The following NHSL2 variants were observed in gnomAD, a reference collection of about 807,000 sequenced individuals.
NHSL2 encodes the protein NHS-like protein 2.
In NHSL2, 27 loss-of-function variants were observed where a neutral mutation model predicts 53.4. The ratio of observed to expected loss-of-function variants is 0.51; its 90% CI spans 0.37 to 0.70. The LOEUF is 0.70. Among genes scored for constraint, NHSL2 ranks in the 30% least tolerant of loss-of-function variants. The pLI is 0.00. For missense variants in NHSL2, 892 were observed against 980.1 expected (o/e 0.91, Z 1.20); for synonymous variants, 408 against 404.1 (o/e 1.01, Z -0.12).
chrX:72,131,950 A>T, intron 1 of NHSL2, 129 bp from the exon 2 acceptor site: 1 of 610,315 alleles, frequency 1.6e-6, no homozygotes, highest in Non-Finnish European at 2.5e-6. Context: ...CCCGCCTTTT[A>T]AGCGCAGCCT....
chrX:71,945,805 TTGAGCGCTTACTG>T (rs1425508632), intron 1 of NHSL2, among the ~76,000 whole-genome samples: 1 of 111,888 alleles, frequency 8.9e-6, no homozygotes, highest in Non-Finnish European at 1.9e-5. Flanking sequence ...CTGCCATTTA[TTGAGCGCTTACTG>T]TGTGCTGTGT....
chrX:71,913,463 C>A (rs770880827), intron 1 of NHSL2, among the ~76,000 whole-genome samples: 1 of 111,951 alleles, frequency 8.9e-6, no homozygotes, highest in African/African-American at 3.2e-5. Flanking sequence ...AGATTTTGAC[C>A]GTAAGTAAGT....
At chrX:72,129,219 A>G (rs924627690) in intron 1 of NHSL2, 1 of 113,619 alleles carries the variant, frequency 8.8e-6, no homozygotes, top group Non-Finnish European at 1.9e-5. Flanking sequence ...GTGGCTTTGC[A>G]CACTCTCACT....
intron 1 of NHSL2, among the ~76,000 whole-genome samples, chrX:72,098,686 A>G (rs1362283705): frequency 9.0e-6 from 1 of 111,668 alleles, no homozygotes; most frequent in African/African-American, 3.2e-5. Flanking sequence ...GATTTTTAAA[A>G]TTTTATTTTA....
intron 1 of NHSL2, among the ~76,000 whole-genome samples, chrX:71,929,978 C>G (rs948650405): frequency 4.5e-5 from 5 of 111,256 alleles, no homozygotes; most frequent in Non-Finnish European, 7.6e-5. Flanking sequence ...TGGTCTCAAA[C>G]TCCTGGGCTC....
chrX:71,987,257 C>T (rs777148572), intron 1 of NHSL2, among the ~76,000 whole-genome samples: 2 of 112,061 alleles, frequency 1.8e-5, no homozygotes, highest in East Asian at 2.8e-4. Flanking sequence ...GTCTCAAATA[C>T]GTGTTACACG....
intron 1 of NHSL2, among the ~76,000 whole-genome samples, chrX:71,952,740 G>A (rs1324210714): frequency 3.6e-5 from 4 of 110,905 alleles, no homozygotes; most frequent in African/African-American, 1.3e-4. Flanking sequence ...GAGCATAGCA[G>A]ACACGTGTCT....
chrX:71,943,746 T>G (rs190741279), intron 1 of NHSL2, among the ~76,000 whole-genome samples: 2 of 112,446 alleles, frequency 1.8e-5, no homozygotes, highest in Admixed American at 1.9e-4. Context: ...ATATGGGAGG[T>G]ATAACTGGGT....
At chrX:72,083,023 A>C (rs764570282) in intron 1 of NHSL2, among the ~76,000 whole-genome samples, 16 of 112,165 alleles carry the variant, frequency 1.4e-4, no homozygotes, top group Non-Finnish European at 2.3e-4. Flanking sequence ...GCCTTGGACA[A>C]ATTGTGTCCC....
At chrX:72,022,861 A>G (rs1280226837) in intron 1 of NHSL2, among the ~76,000 whole-genome samples, 2 of 111,066 alleles carry the variant, frequency 1.8e-5, no homozygotes, top group Non-Finnish European at 3.8e-5. Flanking sequence ...TACCTATTAT[A>G]CCTTGCACCC....
chrX:72,151,243 C>G lies in NHSL2; in HGVS notation c.*7669C>G, dbSNP rs1479573889. ...GTTTCACCATGTTGGCCAGGATGTT[C>G]TCGATCTCCTGACCTTGTGATCCGC... On this transcript the variant is annotated 3_prime_UTR_variant, in exon 8 of 8. Coordinates refer to ENST00000633930, the MANE Select transcript of NHSL2 (RefSeq NM_001013627.3). 9.3e-6 allele frequency: 1 copy of G among 107,588 alleles called. No homozygotes were observed. The highest frequency in any genetic ancestry group is 1.9e-5 in the Non-Finnish European group (1 of 52,097). The allele number at this position is 107,588 out of a possible 1,213,427, so 8.9% of individuals were successfully genotyped here. A position where few individuals can be genotyped will look rare whatever the true frequency, so the allele number is the denominator to read the frequency against.
rs1321466474 is a variant in NHSL2 at position 72,134,651 on chromosome X, G to A, written c.707G>A (p.Arg236Gln). 6.9e-6 allele frequency: 8 copies of A among 1,166,355 alleles called. No individual in the cohort carries two copies. The highest frequency in any genetic ancestry group is 3.3e-5 in the East Asian group (1 of 30,721). Reference protein sequence around the residue: ...LFPLPILEEKRWPQLCSTQSD... With the variant: ...LFPLPILEEKQWPQLCSTQSD... ...CCTCTGCCCATCCTAGAGGAGAAGCGGTGGCCTCAGCTTTGCTCCACGCAG... is the reference window on the plus strand; with the variant it reads ...CCTCTGCCCATCCTAGAGGAGAAGCAGTGGCCTCAGCTTTGCTCCACGCAG... The change falls in exon 4 of 8, where the codon CGG (arginine) becomes CAG (glutamine). Residue 236 changes from arginine to glutamine, a missense_variant. Transcript: ENST00000633930.
At chrX:72,102,642 A>G (rs896602187) in intron 1 of NHSL2, among the ~76,000 whole-genome samples, 11 of 112,406 alleles carry the variant, frequency 9.8e-5, no homozygotes, top group Non-Finnish European at 2.1e-4. Context: ...ATAAACTATA[A>G]AGTATAATAA....
chrX:72,003,871 A>G (rs1387611800), intron 1 of NHSL2, among the ~76,000 whole-genome samples: 2 of 111,576 alleles, frequency 1.8e-5, no homozygotes, highest in East Asian at 5.6e-4. Context: ...CCCAGCTAGT[A>G]AATAACAGAA....
chrX:72,147,214 T>C lies in NHSL2; in HGVS notation c.*3640T>C, dbSNP rs1434948874. ...TGCTCTGTTCCTCACTCGTTCCACC[T>C]TCCATTATCAAGTCTGTGACACAAT... On this transcript the variant is annotated 3_prime_UTR_variant, in exon 8 of 8. Transcript: ENST00000633930. The C allele has an allele frequency of 8.9e-6, 1 of 112,337 alleles. No homozygotes were observed. The highest frequency in any genetic ancestry group is 3.2e-5 in the African/African-American group (1 of 30,842). 9.3% of individuals were successfully genotyped at this position (112,337 alleles called of 1,213,427 possible).
intron 1 of NHSL2, among the ~76,000 whole-genome samples, chrX:71,914,848 C>T (rs1054823835): frequency 9.1e-6 from 1 of 110,339 alleles, no homozygotes; most frequent in African/African-American, 3.3e-5. Flanking sequence ...GAAGAGATGG[C>T]CTCTTGAGTC....
At chrX:71,950,652 G>A (rs2041816060) in intron 1 of NHSL2, among the ~76,000 whole-genome samples, 1 of 112,321 alleles carries the variant, frequency 8.9e-6, no homozygotes, top group South Asian at 3.7e-4. Context: ...CCCAAGGGCC[G>A]GGCATCTATG....
At chrX:72,052,074 C>T (rs1385095470) in intron 1 of NHSL2, among the ~76,000 whole-genome samples, 1 of 112,077 alleles carries the variant, frequency 8.9e-6, no homozygotes, top group Non-Finnish European at 1.9e-5. Flanking sequence ...TAAGTGTAAC[C>T]AAAATGGATC....
chrX:71,945,387 C>A (rs1398240770), intron 1 of NHSL2, among the ~76,000 whole-genome samples: 1 of 112,065 alleles, frequency 8.9e-6, no homozygotes, highest in Non-Finnish European at 1.9e-5. Context: ...TGTTGGAAGA[C>A]TACACTTCCA....
Sources: gnomAD v4.1 joint callset for allele counts (sites outside exome capture counted in the v4.1 genomes callset) on GRCh38, gnomAD v4.1.1 for gene constraint, MANE v1.5 for transcripts, NCBI Gene and HGNC (gene_info 2026-07-23, HGNC 2026-07-21) for gene names.